EXOC6B: variants seen among roughly 807,000 people sequenced by gnomAD.
EXOC6B encodes the protein exocyst complex component 6B.
EXOC6B carries 54 observed loss-of-function variants against 113.5 expected under a neutral mutation model. The observed-to-expected ratio is 0.48, with a 90% confidence interval of 0.38 to 0.60. EXOC6B has a LOEUF of 0.60. Among genes scored for constraint, EXOC6B ranks in the 20% least tolerant of loss-of-function variants. EXOC6B has a pLI of 0.00. For missense variants in EXOC6B, 797 were observed against 977.5 expected (o/e 0.82, Z 2.46); for synonymous variants, 357 against 339.0 (o/e 1.05, Z -0.58).
chr2:72,534,338 G>T (rs35211157), intron 8 of EXOC6B, among the ~76,000 whole-genome samples: 2,813 of 152,088 alleles, frequency 0.018, 109 homozygotes, highest in African/African-American at 0.065. Flanking sequence ...TCCTCAGGGC[G>T]TGCCATGCTC....
chr2:72,740,008 C>A (rs1681202385), intron 2 of EXOC6B, among the ~76,000 whole-genome samples: 1 of 151,886 alleles, frequency 6.6e-6, no homozygotes, highest in Non-Finnish European at 1.5e-5. Flanking sequence ...AGGATAGCAC[C>A]ATATAATCAA....
Position 72,523,218 on chromosome 2 carries a change from A to G in EXOC6B, c.916-8092T>C, listed in dbSNP as rs183497405. On this transcript the variant is annotated intron_variant, in intron 8 of 21. Transcript: ENST00000272427. ...CAGTAATCAAATAAGTCAGAATCACATGATCCCATTCTTGGGAGAGAAAGA... is the reference window on the plus strand; with the variant it reads ...CAGTAATCAAATAAGTCAGAATCACGTGATCCCATTCTTGGGAGAGAAAGA... 3.0e-3 allele frequency among the ~76,000 whole-genome samples: 459 copies of G among 152,292 alleles called. 1 individual carries two copies. Among genetic ancestry groups the G allele is most frequent in the Non-Finnish European group, 4.7e-3 (319 of 68,032 alleles).
At chr2:72,676,302 C>T (rs1031862442) in intron 6 of EXOC6B, among the ~76,000 whole-genome samples, 1 of 152,164 alleles carries the variant, frequency 6.6e-6, no homozygotes, top group Non-Finnish European at 1.5e-5. Context: ...TCAAACACTA[C>T]AAAGCATCTG....
chr2:72,672,302 C>T (rs1675945028), intron 6 of EXOC6B, among the ~76,000 whole-genome samples: 1 of 151,294 alleles, frequency 6.6e-6, no homozygotes, highest in Non-Finnish European at 1.5e-5. Flanking sequence ...ATGGAATCAA[C>T]CTACATATCC....
chr2:72,397,625 A>AAAAATAAATAAAATAAAAT (rs1553396400), intron 18 of EXOC6B, among the ~76,000 whole-genome samples: 1 of 104,142 alleles, frequency 9.6e-6, no homozygotes, highest in African/African-American at 7.9e-5. Flanking sequence ...CTCAAAAAAA[A>AAAAATAAATAAAATAAAAT]AAAATAAAAT....
At chr2:72,731,333 T>C in intron 3 of EXOC6B, 88 bp from the exon 4 acceptor site, 1 of 1,004,926 alleles carries the variant, frequency 1.0e-6, no homozygotes. Context: ...GTTCAATTCA[T>C]CAGAAAATCC....
At chr2:72,536,954 A>G (rs1702324553) in intron 8 of EXOC6B, among the ~76,000 whole-genome samples, 1 of 152,230 alleles carries the variant, frequency 6.6e-6, no homozygotes, top group African/African-American at 2.4e-5. Flanking sequence ...CACTTCATTT[A>G]TGTCCTTTTA....
rs187852834 is a variant in EXOC6B, at chr2:72,745,435, G to A, written c.114-3966C>T. Among the ~76,000 whole-genome samples, 8 of 151,780 alleles carry A rather than the reference G, an allele frequency of 5.3e-5. No homozygotes were observed. The East Asian group carries it at 5.8e-4, about 11-fold the overall frequency. On this transcript the variant is annotated intron_variant, in intron 1 of 21. Coordinates refer to ENST00000272427, the MANE Select transcript of EXOC6B (RefSeq NM_015189.3). The stretch of plus-strand genomic sequence containing the variant: ...TAACATGAAAGGTTTGCAGTAGATC[G>A]CCAGAGTATTTTGAGAATTAAAAAA...
At chr2:72,181,208 C>CAAAAAAAA (rs397936010) in intron 21 of EXOC6B, among the ~76,000 whole-genome samples, 6 of 121,782 alleles carry the variant, frequency 4.9e-5, no homozygotes, top group African/African-American at 1.3e-4. Context: ...GACTCCGTCT[C>CAAAAAAAA]AAAAAAAAAA....
intron 11 of EXOC6B, among the ~76,000 whole-genome samples, chr2:72,508,184 A>AAAAACAAAAAAAAAC (rs923877882): frequency 3.4e-5 from 3 of 89,114 alleles, no homozygotes; most frequent in African/African-American, 1.3e-4. Flanking sequence ...AAAAAAAAAA[A>AAAAACAAAAAAAAAC]ACACCTAAAA....
chr2:72,360,908 G>C (rs564604344), intron 19 of EXOC6B, among the ~76,000 whole-genome samples: 177 of 139,982 alleles, frequency 1.3e-3, no homozygotes, highest in Admixed American at 2.1e-3. Flanking sequence ...TCCAGCCTGG[G>C]CGATAAAGGA....
At chr2:72,435,806 TG>T (rs1695824879) in intron 18 of EXOC6B, among the ~76,000 whole-genome samples, 1 of 152,140 alleles carries the variant, frequency 6.6e-6, no homozygotes, top group South Asian at 2.1e-4. Flanking sequence ...GCACGTGAGA[TG>T]GATCTCCTGA....
chr2:72,488,576 A>G (rs564836314), intron 16 of EXOC6B, among the ~76,000 whole-genome samples: 10 of 152,126 alleles, frequency 6.6e-5, no homozygotes, highest in Non-Finnish European at 1.0e-4. Context: ...AATTTTTCCT[A>G]TCTTAGTTCA....
chr2:72,676,303 A>G (rs1319894502), intron 6 of EXOC6B, among the ~76,000 whole-genome samples: 2 of 152,158 alleles, frequency 1.3e-5, no homozygotes, highest in African/African-American at 4.8e-5. Flanking sequence ...CAAACACTAC[A>G]AAGCATCTGA....
Position 72,379,778 on chromosome 2 carries a change from G to A in EXOC6B, c.2073C>T (p.Leu691=), listed in dbSNP as rs371952349. 15 of 1,613,324 alleles carry A rather than the reference G, an allele frequency of 9.3e-6. No homozygotes were observed. Among genetic ancestry groups the A allele is most frequent in the South Asian group, 1.1e-5 (1 of 90,962 alleles). The change falls in exon 19 of 22, where the codon CTC becomes CTT. Residue 691 remains leucine, a synonymous_variant. Coordinates refer to ENST00000272427, the MANE Select transcript of EXOC6B (RefSeq NM_015189.3). The stretch of plus-strand genomic sequence containing the variant: ...TGAACTGCTGTAATGCTCCCAAGGT[G>A]AGCTGCCGCACTTCAGCTTCCAACA... ...QLLLEAEVRQ[L]TLGALQQFNL... is the part of the protein sequence containing the mutation.
chr2:72,565,247 A>C (rs1214155275), intron 7 of EXOC6B, among the ~76,000 whole-genome samples: 1 of 148,914 alleles, frequency 6.7e-6, no homozygotes, highest in African/African-American at 2.5e-5. Flanking sequence ...GCTACTCAGG[A>C]GGCTGAAGTG....
At chr2:72,511,314 A>G (rs1034865130) in intron 11 of EXOC6B, among the ~76,000 whole-genome samples, 1 of 152,126 alleles carries the variant, frequency 6.6e-6, no homozygotes, top group Non-Finnish European at 1.5e-5. Flanking sequence ...TCCCCGCTCC[A>G]AACTATCAAA....
chr2:72,295,528 A>C (rs1686079709), intron 20 of EXOC6B, among the ~76,000 whole-genome samples: 1 of 152,182 alleles, frequency 6.6e-6, no homozygotes, highest in African/African-American at 2.4e-5. Context: ...TGTTGCAAGT[A>C]CTGAACAGGT....
At chr2:72,681,975 A>G (rs1274441427) in intron 6 of EXOC6B, among the ~76,000 whole-genome samples, 1 of 149,128 alleles carries the variant, frequency 6.7e-6, no homozygotes, top group Non-Finnish European at 1.5e-5. Flanking sequence ...TTTAGTTCAT[A>G]AAGTTATTTC....
Sources: allele counts gnomAD v4.1 joint callset (sites outside exome capture counted in the v4.1 genomes callset), GRCh38; gene constraint gnomAD v4.1.1; transcripts MANE v1.5; gene names NCBI Gene and HGNC (gene_info 2026-07-23, HGNC 2026-07-21).